The following DTNA variants were observed in gnomAD, a reference collection of about 807,000 sequenced individuals.
The protein encoded by DTNA is dystrobrevin alpha.
A neutral mutation model predicts 100.7 loss-of-function variants in DTNA; 43 were observed. The observed-to-expected ratio is 0.43, with a 90% CI of 0.33 to 0.55. The LOEUF (loss-of-function observed/expected upper bound fraction) is 0.55. DTNA is among the 20% of genes least tolerant of loss of function. The pLI is 0.04. For synonymous variants in DTNA, 349 were observed against 347.9 expected (o/e 1.00, Z -0.04); for missense variants, 798 against 953.9 (o/e 0.84, Z 2.15).
chr18:34,875,259 C>A lies in DTNA; in HGVS notation c.1764C>A (p.Pro588=), dbSNP rs151158035. The change falls in exon 18 of 23, where the codon CCC becomes CCA. Residue 588 remains proline (P), a synonymous_variant. Coordinates refer to ENST00000444659, the MANE Select transcript of DTNA (RefSeq NM_001386795.1). The part of the protein sequence containing the change: ...KLLKTQGAGS[P]RSSPSHTISR... ...TCCAGACTCAGGGGGCAGGCTCTCC[C>A]CGCTCCTCCCCCAGCCACACCATCA... 1.2e-6 allele frequency: 2 copies of A among 1,613,938 alleles called. No homozygotes were observed. Among genetic ancestry groups the A allele is most frequent in the Admixed American group, 3.3e-5 (2 of 60,002 alleles).
chr18:34,562,769 T>G (rs2146255903), intron 1 of DTNA, among the ~76,000 whole-genome samples: 1 of 152,252 alleles, frequency 6.6e-6, no homozygotes, highest in Admixed American at 6.5e-5. Flanking sequence ...TCCTGGTGAT[T>G]GTGAAGAACA....
At chr18:34,854,991 T>G (rs1007295532) in intron 15 of DTNA, among the ~76,000 whole-genome samples, 4 of 152,226 alleles carry the variant, frequency 2.6e-5, no homozygotes, top group Admixed American at 2.0e-4. Context: ...TTCTACTCTT[T>G]TTCCCCAACA....
intron 22 of DTNA, among the ~76,000 whole-genome samples, chr18:34,886,443 G>T (rs1052979288): frequency 2.6e-5 from 4 of 152,086 alleles, no homozygotes; most frequent in African/African-American, 9.7e-5. Flanking sequence ...AGTCCCAAGG[G>T]GCAGGCCTTT....
At chr18:34,866,261 T>C (rs2096702923) in intron 17 of DTNA, 1 of 1,577,882 alleles carries the variant, frequency 6.3e-7, no homozygotes, top group Non-Finnish European at 8.6e-7. Flanking sequence ...TCATACTAAT[T>C]TGCTTCTTTT....
intron 16 of DTNA, 86 bp from the exon 17 acceptor site, chr18:34,863,880 G>C: frequency 5.9e-6 from 8 of 1,357,624 alleles, no homozygotes; most frequent in Non-Finnish European, 8.2e-6. Context: ...CCCTTTTTCT[G>C]ACAGTCCACA....
intron 1 of DTNA, among the ~76,000 whole-genome samples, chr18:34,684,481 T>C (rs1335109526): frequency 6.6e-6 from 1 of 152,160 alleles, no homozygotes; most frequent in Non-Finnish European, 1.5e-5. Flanking sequence ...CATGAACTCG[T>C]TCTTTTTTTG....
chr18:34,745,652 G>A (rs1317788883), intron 1 of DTNA, among the ~76,000 whole-genome samples: 2 of 152,160 alleles, frequency 1.3e-5, no homozygotes, highest in Non-Finnish European at 2.9e-5. Context: ...AGCCTTTGCA[G>A]GTCGCCAGCA....
intron 20 of DTNA, 36 bp from the exon 21 acceptor site, chr18:34,882,033 A>T: frequency 6.2e-7 from 1 of 1,613,904 alleles, no homozygotes; most frequent in Non-Finnish European, 8.5e-7. Context: ...CTCTTTTAAG[A>T]TTTGCTCTAA....
At chr18:34,852,168 G>A (rs1319629600) in intron 15 of DTNA, among the ~76,000 whole-genome samples, 9 of 152,114 alleles carry the variant, frequency 5.9e-5, no homozygotes, top group Admixed American at 5.9e-4. Context: ...TGCAATTAAT[G>A]TTGCCCCTCT....
intron 1 of DTNA, among the ~76,000 whole-genome samples, chr18:34,545,856 C>T (rs2044724468): frequency 6.6e-6 from 1 of 151,978 alleles, no homozygotes; most frequent in African/African-American, 2.4e-5. Context: ...TCTCCGCAGG[C>T]TGTAGGAAAC....
At chr18:34,661,006 A>G (rs2075106332) in intron 1 of DTNA, among the ~76,000 whole-genome samples, 1 of 152,194 alleles carries the variant, frequency 6.6e-6, no homozygotes, top group Non-Finnish European at 1.5e-5. Flanking sequence ...CTCAAAATTT[A>G]TCTTTTCAAA....
At chr18:34,828,372 C>G (rs2149555023) in intron 10 of DTNA, among the ~76,000 whole-genome samples, 1 of 152,222 alleles carries the variant, frequency 6.6e-6, no homozygotes, top group Non-Finnish European at 1.5e-5. Context: ...TTTATAAATA[C>G]ATGGAGAAGG....
intron 1 of DTNA, among the ~76,000 whole-genome samples, chr18:34,687,272 G>T (rs1316123440): frequency 6.6e-6 from 1 of 152,014 alleles, no homozygotes; most frequent in East Asian, 1.9e-4. Context: ...TTCTCCTGTG[G>T]GCATTTAGTG....
chr18:34,851,855 C>T lies in DTNA; in HGVS notation c.1459C>T (p.Pro487Ser). 2 of 1,614,030 alleles carry T rather than the reference C, an allele frequency of 1.2e-6. No homozygotes were observed. Among genetic ancestry groups the T allele is most frequent in the South Asian group, 1.1e-5 (1 of 91,068 alleles). ...SSQPPQQRSA[P>S]DISFTIDANK... ...GCAGCCACCTCAGCAGAGAAGTGCTCCTGACATCTCTTTCACCATCGATGC... is the reference window on the plus strand; with the variant it reads ...GCAGCCACCTCAGCAGAGAAGTGCTTCTGACATCTCTTTCACCATCGATGC... The change falls in exon 15 of 23, where the codon CCT (proline) becomes TCT (serine). Residue 487 changes from proline (P) to serine (S), a missense_variant. Pro to Ser is a moderately conservative substitution (Grantham distance 74, BLOSUM62 -1). Around this residue, in one of 6 missense-constraint regions of DTNA, gnomAD observed 159 missense variants for 201.2 expected, o/e 0.79. Coordinates refer to ENST00000444659, the MANE Select transcript of DTNA (RefSeq NM_001386795.1).
chr18:34,596,888 A>T lies in DTNA; in HGVS notation c.-2+103374A>T, dbSNP rs1271122966. On this transcript the variant is annotated intron_variant, in intron 1 of 19. Transcript: ENST00000283365. ...TTTAATTATACGCAAGTTGTGGGATACATGTGCAGAACGTGCAGGTTTGTT... is the reference window on the plus strand; with the variant it reads ...TTTAATTATACGCAAGTTGTGGGATTCATGTGCAGAACGTGCAGGTTTGTT... Among the ~76,000 whole-genome samples the T allele has an allele frequency of 2.6e-5, 4 of 152,158 alleles. No homozygotes were observed. The East Asian group carries it at 7.7e-4, about 29-fold the overall frequency.
intron 1 of DTNA, among the ~76,000 whole-genome samples, chr18:34,628,963 A>G (rs2057712470): frequency 6.6e-6 from 1 of 152,168 alleles, no homozygotes; most frequent in South Asian, 2.1e-4. Context: ...CTCCCCATAA[A>G]TGATATTATC....
chr18:34,864,586 C>A (rs766786789), intron 17 of DTNA, among the ~76,000 whole-genome samples: 1 of 152,212 alleles, frequency 6.6e-6, no homozygotes, highest in Admixed American at 6.5e-5. Flanking sequence ...TGAAACCAGA[C>A]TGCTGAGGGC....
In DTNA at chr18:34,881,944, A is replaced by G; in HGVS notation, c.2163-125A>G. 2.2e-6 allele frequency: 3 copies of G among 1,337,560 alleles called. 1 individual carries two copies. Among genetic ancestry groups the G allele is most frequent in the South Asian group, 2.4e-5 (2 of 82,790 alleles). 82.9% of individuals were successfully genotyped at this position (1,337,560 alleles called of 1,614,324 possible). A position where few individuals can be genotyped will look rare whatever the true frequency, so the allele number is the denominator to read the frequency against. Reference sequence around the variant, plus strand: ...TTTTTTAGGTATTACTAAAGAAGACATGAAAGTGACTTGGAGAACTAAGGG... The same window carrying G: ...TTTTTTAGGTATTACTAAAGAAGACGTGAAAGTGACTTGGAGAACTAAGGG... On this transcript the variant is annotated intron_variant, in intron 20 of 22. Transcript: ENST00000444659.
At chr18:34,824,932 TAAAAA>T (rs35456039) in intron 9 of DTNA, among the ~76,000 whole-genome samples, 1 of 96,880 alleles carries the variant, frequency 1.0e-5, no homozygotes, top group African/African-American at 3.7e-5. Context: ...TTAGATACAG[TAAAAA>T]AAAAAAAAAA....
Sources: gnomAD v4.1 joint callset for allele counts (sites outside exome capture counted in the v4.1 genomes callset) on GRCh38, gnomAD v4.1.1 for gene constraint, gnomAD v4.1.1 regional missense constraint, MANE v1.5 for transcripts, NCBI Gene and HGNC (gene_info 2026-07-23, HGNC 2026-07-21) for gene names.